Variants in SHANK2 observed in about 807,000 individuals in gnomAD.
SHANK2 encodes SH3 and multiple ankyrin repeat domains protein 2.
In SHANK2, 43 loss-of-function variants were observed where a neutral mutation model predicts 133.7. That is an observed-to-expected ratio of 0.32 (90% CI 0.25 to 0.41). SHANK2 has a LOEUF of 0.41. Ranked by LOEUF, SHANK2 falls within the 10% of genes least tolerant of loss-of-function variation. SHANK2 has a pLI of 1.00. For missense variants in SHANK2, 1,994 were observed against 2,235.8 expected, an observed-to-expected ratio of 0.89 and a Z score of 2.18; for synonymous variants, 1,017 against 952.8, an observed-to-expected ratio of 1.07 and a Z score of -1.24.
At chr11:70,662,511 CG>C (rs1227071553) in intron 15 of SHANK2, among the ~76,000 whole-genome samples, 5 of 152,106 alleles carry the variant, frequency 3.3e-5, no homozygotes, top group African/African-American at 1.2e-4. Flanking sequence ...GGTGGCCGGT[CG>C]GGGAGGGGTG....
At chr11:70,796,594 G>A (rs1161023685) in intron 14 of SHANK2, among the ~76,000 whole-genome samples, 5 of 152,212 alleles carry the variant, frequency 3.3e-5, no homozygotes, top group African/African-American at 1.2e-4. Flanking sequence ...TCTCAGACAA[G>A]TGAGGCAGGG....
intron 17 of SHANK2, among the ~76,000 whole-genome samples, chr11:70,582,962 T>C (rs2060202696): frequency 6.6e-6 from 1 of 152,196 alleles, no homozygotes; most frequent in Non-Finnish European, 1.5e-5. Flanking sequence ...GCTGTGCAGC[T>C]CACTCTCCTG....
chr11:71,157,309 C>T (rs558738533), intron 2 of SHANK2, among the ~76,000 whole-genome samples: 7 of 152,322 alleles, frequency 4.6e-5, no homozygotes, highest in Non-Finnish European at 7.4e-5. Context: ...TAAAATGATA[C>T]GTCACTTAAG....
At chr11:71,101,188 T>C (rs1329829263) in intron 6 of SHANK2, among the ~76,000 whole-genome samples, 2 of 152,200 alleles carry the variant, frequency 1.3e-5, no homozygotes, top group Non-Finnish European at 2.9e-5. Context: ...CTGGTTTTTC[T>C]GTCAACCTAA....
intron 1 of SHANK2, among the ~76,000 whole-genome samples, chr11:71,239,332 A>C (rs1440923322): frequency 6.6e-6 from 1 of 152,242 alleles, no homozygotes; most frequent in African/African-American, 2.4e-5. Context: ...CTCCTGGCTC[A>C]CAGCAGGTAC....
chr11:70,747,092 C>T (rs1374905256), intron 14 of SHANK2, among the ~76,000 whole-genome samples: 3 of 150,748 alleles, frequency 2.0e-5, no homozygotes, highest in Non-Finnish European at 4.4e-5. Flanking sequence ...ATCCATGGTC[C>T]CCACGAGTGA....
chr11:70,816,039 G>C (rs895203), intron 12 of SHANK2, among the ~76,000 whole-genome samples: 34,182 of 152,106 alleles, frequency 0.22, 5,818 homozygotes, highest in African/African-American at 0.48. Flanking sequence ...CTGATACCCT[G>C]TGCTCCCTGC....
intron 12 of SHANK2, among the ~76,000 whole-genome samples, chr11:70,811,757 C>T (rs1467101203): frequency 1.3e-5 from 2 of 151,752 alleles, no homozygotes; most frequent in African/African-American, 4.8e-5. Context: ...CATCATCTAT[C>T]CATCCACCAT....
chr11:70,482,834 C>T (rs1457730356), intron 25 of SHANK2, among the ~76,000 whole-genome samples: 1 of 152,222 alleles, frequency 6.6e-6, no homozygotes, highest in Non-Finnish European at 1.5e-5. Context: ...GAGCCAGCCC[C>T]CTCTCAGGGT....
intron 14 of SHANK2, among the ~76,000 whole-genome samples, chr11:70,769,009 T>A (rs186098478): frequency 6.6e-6 from 1 of 152,248 alleles, no homozygotes; most frequent in African/African-American, 2.4e-5. Context: ...ATCCGCATCT[T>A]GGGTCTGCCT....
chr11:71,100,054 A>C, intron 6 of SHANK2, among the ~76,000 whole-genome samples: 1 of 152,042 alleles, frequency 6.6e-6, no homozygotes, highest in Non-Finnish European at 1.5e-5. Context: ...GTCAAAAAAA[A>C]AAAAAAAAAG....
chr11:71,234,446 G>A (rs1285521890), intron 1 of SHANK2, among the ~76,000 whole-genome samples: 1 of 151,912 alleles, frequency 6.6e-6, no homozygotes, highest in Non-Finnish European at 1.5e-5. Flanking sequence ...ATTTTTGGAG[G>A]TGCTCATCAC....
chr11:70,885,206 C>CGGGGAACCGCGT (rs1949720238), intron 11 of SHANK2, among the ~76,000 whole-genome samples: 1 of 152,176 alleles, frequency 6.6e-6, no homozygotes, highest in Non-Finnish European at 1.5e-5. Flanking sequence ...GGGAACCGCG[C>CGGGGAACCGCGT]AGGGACCGCA....
intron 2 of SHANK2, among the ~76,000 whole-genome samples, chr11:71,198,367 C>T (rs1331232806): frequency 6.6e-6 from 1 of 152,154 alleles, no homozygotes; most frequent in Non-Finnish European, 1.5e-5. Context: ...TTTGGAGGGG[C>T]CGGCAGCTCT....
chr11:70,669,981 G>T (rs2134322058), intron 15 of SHANK2, among the ~76,000 whole-genome samples: 1 of 152,364 alleles, frequency 6.6e-6, no homozygotes, highest in South Asian at 2.1e-4. Context: ...TTGAACATGG[G>T]CTGTGGGTGT....
chr11:70,599,798 A>G (rs2060454817), intron 17 of SHANK2, among the ~76,000 whole-genome samples: 1 of 149,514 alleles, frequency 6.7e-6, no homozygotes, highest in Non-Finnish European at 1.5e-5. Flanking sequence ...AAAGAAGAAA[A>G]GAAAAGAAAG....
rs967203648 is a variant in SHANK2, at chr11:71,113,325, C to T, written c.451G>A (p.Asp151Asn). ...TGGAGCTTGGCCAACTGTTTCTCAT[C>T]GAGACTGGCTTGTTTATACACCCGC... Reference protein sequence around the residue: ...KKRVYKQASLDEKQLAKLHTK... With the variant: ...KKRVYKQASLNEKQLAKLHTK... The change falls in exon 5 of 26, where the codon GAT becomes AAT. Residue 151 changes from aspartate (D) to asparagine (N), a missense_variant. By Grantham distance (23) the Asp-to-Asn change is conservative. Around this residue, in one of 5 missense-constraint regions of SHANK2, gnomAD observed 653 missense variants for 563.4 expected, o/e 1.16. Coordinates refer to ENST00000601538, the MANE Select transcript of SHANK2 (RefSeq NM_012309.5). 5.2e-6 allele frequency: 8 copies of T among 1,551,540 alleles called. No homozygotes were observed. The Admixed American group carries it at 5.9e-5, about 11-fold the overall frequency.
intron 3 of SHANK2, among the ~76,000 whole-genome samples, chr11:71,134,279 G>T (rs1468616978): frequency 6.6e-6 from 1 of 151,608 alleles, no homozygotes; most frequent in East Asian, 1.9e-4. Context: ...GAGGGGGAAA[G>T]GGGAAGTGAC....
chr11:70,845,723 G>C (rs1555063069), intron 11 of SHANK2, among the ~76,000 whole-genome samples: 2 of 152,134 alleles, frequency 1.3e-5, no homozygotes, highest in Non-Finnish European at 1.5e-5. Context: ...GACGGCCCCG[G>C]GTGAATGAAT....
Sources: allele counts gnomAD v4.1 joint callset (sites outside exome capture counted in the v4.1 genomes callset), GRCh38; gene constraint gnomAD v4.1.1; regional missense constraint gnomAD v4.1.1; transcripts MANE v1.5; gene names NCBI Gene and HGNC (gene_info 2026-07-23, HGNC 2026-07-21).